LAMA3: variants seen among roughly 807,000 people sequenced by gnomAD.
LAMA3 encodes the protein laminin subunit alpha 3, also known as laminin subunit alpha-3.
LAMA3 carries 281 observed loss-of-function variants against 402.0 expected under a neutral mutation model. That is an observed-to-expected ratio of 0.70 (90% CI 0.63 to 0.77). LAMA3 has a LOEUF of 0.77. LAMA3 is among the 30% of genes least tolerant of loss of function. LAMA3 has a pLI of 0.00. For missense variants in LAMA3, 3,840 were observed against 4,215.5 expected (o/e 0.91, Z 2.47); for synonymous variants, 1,431 against 1,558.4 (o/e 0.92, Z 1.93).
At chr18:23,895,254 A>C (rs1323607510) in intron 44 of LAMA3, among the ~76,000 whole-genome samples, 196 bp downstream of exon 44, 1 of 152,260 alleles carries the variant, frequency 6.6e-6, no homozygotes, top group African/African-American at 2.4e-5. Context: ...CATCTGGGTG[A>C]ACAATACTTA....
rs1208010051 is a variant in LAMA3 at position 23,839,885 on chromosome 18, C to T, written c.3292C>T (p.Pro1098Ser). ...CCCTCACCTGCCCCAGCAGTCGTCA[C>T]CTTCTGTTGATGTTCTTCCTGGGGT... ...PFPHLPQQSS[P>S]SVDVLPGVTL... is the part of the protein sequence containing the mutation. Residue 1098 changes from proline to serine, a missense_variant, in exon 27 of 75, where the codon CCT becomes TCT. By Grantham distance (74) the Pro-to-Ser change is moderately conservative. Around this residue, in one of 3 missense-constraint regions of LAMA3, gnomAD observed 2,109 missense variants for 2,376.0 expected, o/e 0.89. Transcript: ENST00000313654. The surrounding 1 kb of genome is among the most constrained non-coding windows in gnomAD (Gnocchi z 4.5). 5.6e-6 allele frequency: 9 copies of T among 1,614,090 alleles called. No individual in the cohort carries two copies. In the African/African-American group the frequency reaches 9.3e-5, roughly 17 times the overall value.
Position 23,847,502 on chromosome 18 carries a change from G to T in LAMA3, c.3970G>T (p.Gly1324Trp), listed in dbSNP as rs564044139. The T allele has an allele frequency of 1.7e-5, 28 of 1,613,740 alleles. No individual in the cohort carries two copies. The East Asian group carries it at 3.1e-4, about 18-fold the overall frequency. Residue 1324 changes from glycine (G) to tryptophan (W), a missense_variant, in exon 32 of 75, where the codon GGG (glycine) becomes TGG (tryptophan). Coordinates refer to ENST00000313654, the MANE Select transcript of LAMA3 (RefSeq NM_198129.4). Reference sequence around the variant, plus strand: ...TCGGCGCCTTTGTGAAGAGATGACGGGGCAGTGCCGCTGCCCTCCCCGCAC... The same window carrying T: ...TCGGCGCCTTTGTGAAGAGATGACGTGGCAGTGCCGCTGCCCTCCCCGCAC... ...CGRRLCEEMT[G>W]QCRCPPRTVR...
chr18:23,845,158 C>A, intron 30 of LAMA3, 34 bp downstream of exon 30: 2 of 1,233,824 alleles, frequency 1.6e-6, no homozygotes, highest in Non-Finnish European at 2.4e-6. Context: ...CTCTGGAATG[C>A]AGAGGCACTC....
At chr18:23,802,498 T>C (rs2062883434) in intron 12 of LAMA3, among the ~76,000 whole-genome samples, 1 of 152,260 alleles carries the variant, frequency 6.6e-6, no homozygotes, top group Non-Finnish European at 1.5e-5. Flanking sequence ...CTAGACATAT[T>C]CTTCCTTACC....
At chr18:23,769,064 T>A (rs2062139333) in intron 8 of LAMA3, among the ~76,000 whole-genome samples, 1 of 152,156 alleles carries the variant, frequency 6.6e-6, no homozygotes, top group Non-Finnish European at 1.5e-5. Context: ...GGTGGCAGGA[T>A]CAATCATACA....
chr18:23,891,846 C>T (rs886822948), intron 42 of LAMA3, among the ~76,000 whole-genome samples: 6 of 152,154 alleles, frequency 3.9e-5, no homozygotes, highest in Non-Finnish European at 8.8e-5. Flanking sequence ...CCATGGCACA[C>T]TGCTCATGTA....
At chr18:23,844,106 G>A (rs902730128) in intron 29 of LAMA3, among the ~76,000 whole-genome samples, 1 of 152,160 alleles carries the variant, frequency 6.6e-6, no homozygotes, top group African/African-American at 2.4e-5. Context: ...CATCCCTTGT[G>A]CCTGGAATAC....
At chr18:23,723,720 C>T (rs190095811) in intron 2 of LAMA3, among the ~76,000 whole-genome samples, 43 of 151,982 alleles carry the variant, frequency 2.8e-4, no homozygotes, top group Admixed American at 7.2e-4. Context: ...ACGAATGTCT[C>T]GGGGTCAGTA....
Position 23,952,990 on chromosome 18 carries a change from T to C in LAMA3, c.9737T>C (p.Val3246Ala), listed in dbSNP as rs1457414320. ...LCDGQWHSVA[V>A]TIKQHILHLE... ...GACCTAACCAGCCTCCTTTCCCCAG[T>C]CACCATAAAACAACACATCCTGCAC... Residue 3246 changes from valine to alanine, a missense_variant and splice_region_variant, in exon 74 of 75, where the codon GTC (valine) becomes GCC (alanine). Coordinates refer to ENST00000313654, the MANE Select transcript of LAMA3 (RefSeq NM_198129.4). 1 of 1,614,018 alleles carries C rather than the reference T, an allele frequency of 6.2e-7. No individual in the cohort carries two copies. Among genetic ancestry groups the C allele is most frequent in the Admixed American group, 1.7e-5 (1 of 60,006 alleles).
intron 25 of LAMA3, among the ~76,000 whole-genome samples, chr18:23,837,665 CTTGAACATTG>C (rs1469447281): frequency 6.8e-6 from 1 of 146,584 alleles, no homozygotes; most frequent in Admixed American, 7.0e-5. Flanking sequence ...AATGTCATGA[CTTGAACATTG>C]AGTATTCTGA....
intron 70 of LAMA3, among the ~76,000 whole-genome samples, chr18:23,947,230 G>A (rs370375607): frequency 1.8e-4 from 27 of 152,180 alleles, no homozygotes; most frequent in East Asian, 1.2e-3. Context: ...CTGCCACAGC[G>A]TTAATTGCAC....
chr18:23,941,192 T>C (rs1229802245), intron 68 of LAMA3, among the ~76,000 whole-genome samples: 1 of 152,010 alleles, frequency 6.6e-6, no homozygotes, highest in Non-Finnish European at 1.5e-5. Flanking sequence ...CACCTCGGCC[T>C]CCCAAAGTGC....
intron 6 of LAMA3, among the ~76,000 whole-genome samples, chr18:23,757,571 C>T (rs745406556): frequency 1.3e-5 from 2 of 152,054 alleles, no homozygotes; most frequent in Non-Finnish European, 2.9e-5. Flanking sequence ...GGGGCTCATC[C>T]ATCGAATCTT....
At chr18:23,824,606 T>A in intron 21 of LAMA3, 41 bp downstream of exon 21, 1 of 1,608,638 alleles carries the variant, frequency 6.2e-7, no homozygotes, top group Admixed American at 1.7e-5. Flanking sequence ...GCGGGATTCT[T>A]CCTACCTCAG....
intron 12 of LAMA3, among the ~76,000 whole-genome samples, chr18:23,791,842 C>T (rs4800167): frequency 0.23 from 35,437 of 150,876 alleles, 6,049 homozygotes; most frequent in East Asian, 0.64. Flanking sequence ...AATCATCTGA[C>T]ATTCTTCATG....
intron 8 of LAMA3, among the ~76,000 whole-genome samples, chr18:23,773,143 G>A (rs1034176291): frequency 5.3e-5 from 8 of 152,210 alleles, no homozygotes; most frequent in Non-Finnish European, 8.8e-5. Context: ...TTATCCATTC[G>A]TCAGTTCTTC....
intron 60 of LAMA3, among the ~76,000 whole-genome samples, chr18:23,917,967 T>C (rs2081696869): frequency 6.6e-6 from 1 of 152,218 alleles, no homozygotes; most frequent in African/African-American, 2.4e-5. Context: ...ATGGTATTTC[T>C]AGGCATTTCT....
At chr18:23,886,083 C>A (rs2065064146) in intron 41 of LAMA3, among the ~76,000 whole-genome samples, 1 of 152,222 alleles carries the variant, frequency 6.6e-6, no homozygotes, top group Admixed American at 6.5e-5. Flanking sequence ...TTATCTCCTA[C>A]TCTTGGTCTT....
intron 67 of LAMA3, among the ~76,000 whole-genome samples, chr18:23,936,719 A>G (rs1209074401): frequency 6.6e-6 from 1 of 152,186 alleles, no homozygotes. Flanking sequence ...TGTGATTCCC[A>G]GAAGCACAAG....
Sources: allele counts gnomAD v4.1 joint callset (sites outside exome capture counted in the v4.1 genomes callset), GRCh38; gene constraint gnomAD v4.1.1; regional missense constraint gnomAD v4.1.1; non-coding constraint Gnocchi (gnomAD v3.1); transcripts MANE v1.5; gene names NCBI Gene and HGNC (gene_info 2026-07-23, HGNC 2026-07-21).